Variants in CAMKMT observed in about 807,000 individuals in gnomAD.
CAMKMT encodes the protein calmodulin-lysine N-methyltransferase, also known as CaM KMT.
In CAMKMT, 53 loss-of-function variants were observed where a neutral mutation model predicts 48.0. That is an observed-to-expected ratio of 1.10 (90% confidence interval 0.89 to 1.39). The LOEUF (loss-of-function observed/expected upper bound fraction) is 1.39, where lower values mean the gene tolerates loss of function less well. CAMKMT is among the 40% of genes most tolerant of loss of function. The pLI, the probability that CAMKMT is intolerant of heterozygous loss-of-function variation, is 0.00. For missense variants in CAMKMT, 428 were observed against 402.7 expected (o/e 1.06, Z -0.54); for synonymous variants, 165 against 152.3 (o/e 1.08, Z -0.61).
intron 3 of CAMKMT, among the ~76,000 whole-genome samples, chr2:44,393,048 G>C (rs936240597): frequency 1.3e-5 from 2 of 152,028 alleles, no homozygotes; most frequent in Non-Finnish European, 2.9e-5. Context: ...GTAAAAAAAG[G>C]TATGGTCATG....
At chr2:44,417,363 C>T (rs1558596195) in intron 3 of CAMKMT, among the ~76,000 whole-genome samples, 3 of 151,824 alleles carry the variant, frequency 2.0e-5, no homozygotes, top group Non-Finnish European at 4.4e-5. Context: ...CCACTGCACT[C>T]CAGCCTGGGT....
In CAMKMT at chr2:44,707,551, G is replaced by A. The variant is rs1677631802; in HGVS notation, c.556+89G>A. ...ATTGATATAAAGAAAGACAGCATGG[G>A]GTATTAAAAGAGAGTTTCCCCCCTA... On this transcript the variant is annotated intron_variant, in intron 6 of 10. Transcript: ENST00000378494. 6 of 1,087,174 alleles carry A rather than the reference G, an allele frequency of 5.5e-6. No individual in the cohort carries two copies. In the African/African-American group the frequency reaches 6.5e-5, roughly 12 times the overall value. The allele number at this position is 1,087,174 out of a possible 1,614,324, so 67.3% of individuals were successfully genotyped here. A position where few individuals can be genotyped will look rare whatever the true frequency, so the allele number is the denominator to read the frequency against.
intron 3 of CAMKMT, among the ~76,000 whole-genome samples, chr2:44,659,707 G>C (rs532070870): frequency 6.6e-6 from 1 of 151,766 alleles, no homozygotes; most frequent in South Asian, 2.1e-4. Flanking sequence ...AATTTATACT[G>C]TCTATTCATG....
intron 3 of CAMKMT, among the ~76,000 whole-genome samples, chr2:44,604,371 C>T (rs571045890): frequency 2.0e-5 from 3 of 152,254 alleles, no homozygotes; most frequent in African/African-American, 7.2e-5. Context: ...ATTTTAATTT[C>T]TGACCATCCT....
chr2:44,734,759 A>G (rs914461411), intron 7 of CAMKMT, among the ~76,000 whole-genome samples: 2 of 152,134 alleles, frequency 1.3e-5, no homozygotes, highest in African/African-American at 4.8e-5. Context: ...ATTTATTGAG[A>G]CTTACACTAT....
chr2:44,545,353 A>T (rs1249736693), intron 3 of CAMKMT, among the ~76,000 whole-genome samples: 1 of 152,208 alleles, frequency 6.6e-6, no homozygotes, highest in Non-Finnish European at 1.5e-5. Flanking sequence ...ACAGTCCCCA[A>T]GTATATCCAT....
chr2:44,528,446 C>T (rs1188429590), intron 3 of CAMKMT, among the ~76,000 whole-genome samples: 1 of 152,042 alleles, frequency 6.6e-6, no homozygotes, highest in Non-Finnish European at 1.5e-5. Context: ...ACCCCCTTAA[C>T]TGCATTATTT....
At chr2:44,419,124 G>A (rs1274323571) in intron 3 of CAMKMT, among the ~76,000 whole-genome samples, 1 of 152,154 alleles carries the variant, frequency 6.6e-6, no homozygotes, top group Non-Finnish European at 1.5e-5. Flanking sequence ...TAAAGTATGT[G>A]CTATTTATGA....
At chr2:44,566,451 C>G (rs767604790) in intron 3 of CAMKMT, among the ~76,000 whole-genome samples, 10 of 152,040 alleles carry the variant, frequency 6.6e-5, no homozygotes, top group Non-Finnish European at 1.3e-4. Context: ...TTCAATTAGT[C>G]CTTTGGGGCA....
intron 4 of CAMKMT, 61 bp from the exon 5 acceptor site, chr2:44,706,224 ATC>A (rs1286177453): frequency 1.3e-6 from 2 of 1,545,000 alleles, no homozygotes; most frequent in Admixed American, 3.4e-5. Context: ...TGTAACATAT[ATC>A]TCTCTCTGAC....
At chr2:44,428,681 A>G (rs563357531) in intron 3 of CAMKMT, among the ~76,000 whole-genome samples, 1 of 152,304 alleles carries the variant, frequency 6.6e-6, no homozygotes, top group South Asian at 2.1e-4. Flanking sequence ...TGTATATTTT[A>G]TATGTATGTA....
At chr2:44,467,608 A>G (rs967580752) in intron 3 of CAMKMT, among the ~76,000 whole-genome samples, 4 of 152,132 alleles carry the variant, frequency 2.6e-5, no homozygotes, top group Non-Finnish European at 5.9e-5. Context: ...CCACCAAAAT[A>G]TACTACAAAG....
At chr2:44,663,336 G>A (rs1344694610) in intron 3 of CAMKMT, among the ~76,000 whole-genome samples, 5 of 152,178 alleles carry the variant, frequency 3.3e-5, no homozygotes, top group African/African-American at 1.2e-4. Flanking sequence ...GATAGTAGCT[G>A]TGTGGATTAC....
At chr2:44,670,917 C>T (rs1167291369) in intron 3 of CAMKMT, among the ~76,000 whole-genome samples, 1 of 152,178 alleles carries the variant, frequency 6.6e-6, no homozygotes, top group Non-Finnish European at 1.5e-5. Context: ...ATATAATCCA[C>T]CTCTTCTGCT....
chr2:44,720,470 T>C (rs1054158527), intron 7 of CAMKMT, among the ~76,000 whole-genome samples: 1 of 152,200 alleles, frequency 6.6e-6, no homozygotes, highest in Non-Finnish European at 1.5e-5. Flanking sequence ...TTGCAGAAGT[T>C]ACATATCAAT....
chr2:44,446,680 A>G (rs189261319), intron 3 of CAMKMT, among the ~76,000 whole-genome samples: 1 of 152,220 alleles, frequency 6.6e-6, no homozygotes, highest in East Asian at 1.9e-4. Flanking sequence ...CAACAACTTA[A>G]GTTCCGACCT....
At chr2:44,510,521 A>G (rs1223163) in intron 3 of CAMKMT, among the ~76,000 whole-genome samples, 97,432 of 152,024 alleles carry the variant, frequency 0.64, 31,730 homozygotes, top group Admixed American at 0.7. Flanking sequence ...CAACACTACT[A>G]TTTTCCCCTT....
chr2:44,685,017 G>A (rs41531045), intron 3 of CAMKMT, among the ~76,000 whole-genome samples: 2,159 of 152,002 alleles, frequency 0.014, 52 homozygotes, highest in African/African-American at 0.049. Flanking sequence ...AGAACAATTC[G>A]TTGCTATTCT....
At chr2:44,446,221 T>C (rs572434997) in intron 3 of CAMKMT, among the ~76,000 whole-genome samples, 1 of 152,088 alleles carries the variant, frequency 6.6e-6, no homozygotes, top group Non-Finnish European at 1.5e-5. Flanking sequence ...ATGCTGGGAT[T>C]ACAGGTGTGA....
Sources: gnomAD v4.1 joint callset for allele counts (sites outside exome capture counted in the v4.1 genomes callset) on GRCh38, gnomAD v4.1.1 for gene constraint, MANE v1.5 for transcripts, NCBI Gene and HGNC (gene_info 2026-07-23, HGNC 2026-07-21) for gene names.